The following SLC2A9 variants were observed in gnomAD, a reference collection of about 807,000 sequenced individuals.
The protein encoded by SLC2A9 is solute carrier family 2 member 9, also known as solute carrier family 2, facilitated glucose transporter member 9.
SLC2A9 carries 39 observed loss-of-function variants against 50.6 expected under a neutral mutation model. The observed-to-expected ratio is 0.77, with a 90% CI of 0.60 to 1.01. The LOEUF is 1.01. SLC2A9 is among the 50% of genes least tolerant of loss of function. The pLI is 0.00. For missense variants in SLC2A9, 686 were observed against 677.6 expected (o/e 1.01, Z -0.14); for synonymous variants, 324 against 276.9 (o/e 1.17, Z -1.69).
intron 3 of SLC2A9, among the ~76,000 whole-genome samples, chr4:9,813,535 G>T (rs1289773403): frequency 6.6e-6 from 1 of 152,114 alleles, no homozygotes; most frequent in Non-Finnish European, 1.5e-5. Flanking sequence ...ATTTATGATG[G>T]TATTCATTTG....
intron 2 of SLC2A9, 117 bp downstream of exon 2, chr4:10,018,858 C>G: frequency 2.1e-6 from 2 of 970,504 alleles, no homozygotes. Context: ...TCTCTGTCCC[C>G]GCGGTGTCCC....
intron 10 of SLC2A9, chr4:9,879,539 G>A (rs1734860340): frequency 1.0e-6 from 1 of 985,366 alleles, no homozygotes; most frequent in Non-Finnish European, 1.2e-6. Flanking sequence ...ATACGCCCCT[G>A]CAGTCTTTCC....
At chr4:9,855,896 ATT>A (rs1222090168) in intron 10 of SLC2A9, among the ~76,000 whole-genome samples, 1 of 152,218 alleles carries the variant, frequency 6.6e-6, no homozygotes, top group Non-Finnish European at 1.5e-5. Context: ...TGCTGGGATA[ATT>A]GGGGAACTAT....
intron 6 of SLC2A9, among the ~76,000 whole-genome samples, chr4:9,940,803 A>G (rs1159595814): frequency 6.6e-6 from 1 of 152,190 alleles, no homozygotes; most frequent in African/African-American, 2.4e-5. Context: ...CTCAGAAAAT[A>G]CTTAGGTAGT....
At chr4:9,782,514 G>T (rs1215258931) in intron 3 of SLC2A9, 6 of 1,613,868 alleles carry the variant, frequency 3.7e-6, no homozygotes, top group African/African-American at 2.7e-5. Context: ...GTCATGGTCG[G>T]CCTGGCATGG....
intron 3 of SLC2A9, chr4:9,799,252 A>G (rs942926686): frequency 6.6e-6 from 1 of 152,064 alleles, no homozygotes; most frequent in African/African-American, 2.4e-5. Flanking sequence ...CTAAAACAAA[A>G]TACCTTAGAT....
chr4:9,891,107 G>C (rs1249446554), intron 8 of SLC2A9, among the ~76,000 whole-genome samples: 1 of 152,204 alleles, frequency 6.6e-6, no homozygotes, highest in East Asian at 1.9e-4. Flanking sequence ...CATAGGGGTA[G>C]GCATCCACAG....
In SLC2A9 at chr4:10,021,482, A is replaced by G; in HGVS notation, c.-53T>C. On this transcript the variant is annotated 5_prime_UTR_variant, in exon 1 of 12. Transcript: ENST00000264784. ...AGTCCAGGGACCCCAGACTCTGCCAAGGCATTTCCGTGAGTGAGGAGGCAG... is the reference window on the plus strand; with the variant it reads ...AGTCCAGGGACCCCAGACTCTGCCAGGGCATTTCCGTGAGTGAGGAGGCAG... The G allele has an allele frequency of 1.2e-6, 2 of 1,612,242 alleles. No individual in the cohort carries two copies. The highest frequency in any genetic ancestry group is 1.7e-6 in the Non-Finnish European group (2 of 1,179,316).
chr4:9,793,435 A>T (rs917883467), intron 3 of SLC2A9, among the ~76,000 whole-genome samples: 90 of 152,250 alleles, frequency 5.9e-4, no homozygotes, highest in African/African-American at 2.1e-3. Flanking sequence ...TCCAAAGGAC[A>T]TTAGGAGCAC....
At chr4:9,862,447 T>G (rs571934281) in intron 10 of SLC2A9, among the ~76,000 whole-genome samples, 1 of 152,100 alleles carries the variant, frequency 6.6e-6, no homozygotes, top group Non-Finnish European at 1.5e-5. Context: ...CCCATGTATG[T>G]GTGAAATATA....
chr4:10,039,238 C>T (rs1207490409), intron 1 of SLC2A9, among the ~76,000 whole-genome samples: 1 of 152,226 alleles, frequency 6.6e-6, no homozygotes, highest in Non-Finnish European at 1.5e-5. Flanking sequence ...AAGTGCCGCA[C>T]ACACTTAACA....
chr4:9,908,389 G>C (rs1741082091), intron 7 of SLC2A9, 44 bp from the exon 8 acceptor site: 3 of 1,350,230 alleles, frequency 2.2e-6, no homozygotes, highest in Non-Finnish European at 3.2e-6. Flanking sequence ...GTCAGTGGAA[G>C]GACTTAATCT....
chr4:10,018,465 G>T (rs558676324), intron 2 of SLC2A9, among the ~76,000 whole-genome samples: 3 of 152,182 alleles, frequency 2.0e-5, no homozygotes, highest in South Asian at 4.1e-4. Context: ...TCACTTGAAC[G>T]TGGGAGGCGG....
chr4:9,895,797 G>A (rs954342288), intron 8 of SLC2A9, among the ~76,000 whole-genome samples: 7 of 152,180 alleles, frequency 4.6e-5, no homozygotes, highest in African/African-American at 1.7e-4. Flanking sequence ...TTAGGATATT[G>A]AACATTTCCA....
chr4:9,836,276 C>T (rs572607047), intron 10 of SLC2A9, among the ~76,000 whole-genome samples: 49 of 150,726 alleles, frequency 3.3e-4, no homozygotes, highest in Admixed American at 1.4e-3. Flanking sequence ...CCAAACACCA[C>T]CTGTTCCCCA....
intron 3 of SLC2A9, among the ~76,000 whole-genome samples, chr4:9,792,276 T>C (rs1010925170): frequency 5.3e-5 from 8 of 150,292 alleles, no homozygotes; most frequent in African/African-American, 2.0e-4. Context: ...TCTTGGGCTC[T>C]GGTGATCCTC....
chr4:9,896,108 C>A (rs1048437515), intron 8 of SLC2A9, among the ~76,000 whole-genome samples: 5 of 152,176 alleles, frequency 3.3e-5, no homozygotes, highest in African/African-American at 4.8e-5. Flanking sequence ...GCATTGATTT[C>A]TCTTGGGTAA....
At chr4:9,961,858 T>C (rs1752322605) in intron 5 of SLC2A9, among the ~76,000 whole-genome samples, 1 of 152,050 alleles carries the variant, frequency 6.6e-6, no homozygotes, top group Non-Finnish European at 1.5e-5. Flanking sequence ...CTTAAACAAA[T>C]TTATAAAAAT....
At chr4:10,019,096 C>T in intron 1 of SLC2A9, 23 bp from the exon 2 acceptor site, 2 of 1,547,374 alleles carry the variant, frequency 1.3e-6, no homozygotes, top group Non-Finnish European at 1.7e-6. Context: ...GAAACCACGT[C>T]AGAGCCGGCA....
Sources: gnomAD v4.1 joint callset for allele counts (sites outside exome capture counted in the v4.1 genomes callset) on GRCh38, gnomAD v4.1.1 for gene constraint, MANE v1.5 for transcripts, NCBI Gene and HGNC (gene_info 2026-07-23, HGNC 2026-07-21) for gene names.